The following GRID2 variants were observed in gnomAD, a reference collection of about 807,000 sequenced individuals.
The protein encoded by GRID2 is glutamate ionotropic receptor delta type subunit 2.
Under a neutral mutation model 114.8 loss-of-function variants are expected in GRID2, and 33 were observed. That is an observed-to-expected ratio of 0.29 (90% CI 0.22 to 0.38). GRID2 has a LOEUF of 0.38. Among genes scored for constraint, GRID2 ranks in the 10% least tolerant of loss-of-function variants. GRID2 has a pLI of 1.00. For synonymous variants in GRID2, 505 were observed against 449.9 expected (o/e 1.12, Z -1.55); for missense variants, 1,184 against 1,257.7 (o/e 0.94, Z 0.89).
chr4:93,678,041 C>T (rs576533896), intron 14 of GRID2, among the ~76,000 whole-genome samples: 3 of 151,958 alleles, frequency 2.0e-5, no homozygotes, highest in African/African-American at 4.8e-5. Context: ...AAAATTTAGA[C>T]GAATGGATAA....
chr4:93,396,880 A>T (rs1765382443), intron 9 of GRID2, among the ~76,000 whole-genome samples: 1 of 152,022 alleles, frequency 6.6e-6, no homozygotes. Context: ...GTGTTTAATC[A>T]TGTGCTAGTT....
chr4:92,367,729 A>T lies in GRID2; in HGVS notation c.88+62985A>T, dbSNP rs975845822. Among the ~76,000 whole-genome samples, 9 of 152,208 alleles carry T rather than the reference A, an allele frequency of 5.9e-5. No homozygotes were observed. The South Asian group carries it at 1.9e-3, about 32-fold the overall frequency. On this transcript the variant is annotated intron_variant, in intron 1 of 15. Transcript: ENST00000282020. ...TTAAGCAGAGAAATGGCATGATAAG[A>T]TTTTTAAAATGTGTCTCTTTGTAGA...
intron 8 of GRID2, among the ~76,000 whole-genome samples, chr4:93,298,749 A>G (rs915530301): frequency 6.6e-6 from 1 of 152,222 alleles, no homozygotes; most frequent in Non-Finnish European, 1.5e-5. Context: ...TTCCTGACAT[A>G]TCTTCTTAAT....
chr4:92,933,821 A>T (rs1420482222), intron 2 of GRID2, among the ~76,000 whole-genome samples: 1 of 151,614 alleles, frequency 6.6e-6, no homozygotes, highest in African/African-American at 2.4e-5. Context: ...ATCTTTGATT[A>T]TGCTTCAAAA....
intron 9 of GRID2, among the ~76,000 whole-genome samples, chr4:93,399,710 C>A (rs1029878284): frequency 2.6e-5 from 4 of 152,004 alleles, no homozygotes; most frequent in African/African-American, 9.7e-5. Context: ...CAAAATCAGG[C>A]TATGAGGAAC....
chr4:93,269,302 A>T (rs1022319203), intron 8 of GRID2, among the ~76,000 whole-genome samples: 20 of 152,306 alleles, frequency 1.3e-4, no homozygotes, highest in South Asian at 4.1e-4. Context: ...AGGCATTTTT[A>T]AAAAAAGTTT....
intron 8 of GRID2, among the ~76,000 whole-genome samples, chr4:93,309,683 T>C (rs1021069180): frequency 6.6e-6 from 1 of 152,150 alleles, no homozygotes; most frequent in Non-Finnish European, 1.5e-5. Context: ...AATAAAGCAC[T>C]AGCTTTTGAA....
At chr4:92,426,443 C>G (rs138052011) in intron 1 of GRID2, among the ~76,000 whole-genome samples, 132 of 152,206 alleles carry the variant, frequency 8.7e-4, no homozygotes, top group African/African-American at 3.1e-3. Flanking sequence ...TTGTAGATGT[C>G]TACCTGATCT....
intron 4 of GRID2, among the ~76,000 whole-genome samples, chr4:93,161,054 T>A (rs1737646671): frequency 6.6e-6 from 1 of 151,822 alleles, no homozygotes; most frequent in Non-Finnish European, 1.5e-5. Flanking sequence ...AGCTAATGGC[T>A]GTTTAGGACT....
intron 1 of GRID2, among the ~76,000 whole-genome samples, chr4:92,330,714 T>TTA (rs1399424387): frequency 1.3e-5 from 2 of 151,974 alleles, no homozygotes; most frequent in African/African-American, 2.4e-5. Flanking sequence ...AAAAACCATT[T>TTA]TATATATATA....
At chr4:93,311,466 A>T (rs1756003820) in intron 8 of GRID2, among the ~76,000 whole-genome samples, 1 of 152,148 alleles carries the variant, frequency 6.6e-6, no homozygotes, top group African/African-American at 2.4e-5. Flanking sequence ...TTTACGCCTG[A>T]GTTGCTTTAA....
rs974813148 is a variant in GRID2 at position 92,995,443 on chromosome 4, A to C, written c.245-89552A>C. On this transcript the variant is annotated intron_variant, in intron 2 of 15. Coordinates refer to ENST00000282020, the MANE Select transcript of GRID2 (RefSeq NM_001510.4). The stretch of plus-strand genomic sequence containing the variant: ...TCTTTTTAATTATTTTTACTATTTG[A>C]AACCCAAAAGGATCATACCATTGTG... Among the ~76,000 whole-genome samples the C allele has an allele frequency of 6.6e-5, 10 of 152,300 alleles. No homozygotes were observed. The East Asian group carries it at 1.5e-3, about 23-fold the overall frequency.
At chr4:93,584,789 T>C (rs1271431846) in intron 13 of GRID2, among the ~76,000 whole-genome samples, 7 of 152,124 alleles carry the variant, frequency 4.6e-5, no homozygotes, top group African/African-American at 1.7e-4. Context: ...AGAAAATGGG[T>C]ATCCTTTACA....
At chr4:93,177,237 T>C (rs2149430477) in intron 4 of GRID2, among the ~76,000 whole-genome samples, 1 of 136,092 alleles carries the variant, frequency 7.3e-6, no homozygotes, top group African/African-American at 3.5e-5. Flanking sequence ...GAAAAAACTC[T>C]TTTTTTTTGC....
chr4:92,662,683 A>C (rs1411236881), intron 2 of GRID2, among the ~76,000 whole-genome samples: 1 of 151,188 alleles, frequency 6.6e-6, no homozygotes, highest in East Asian at 1.9e-4. Context: ...GAGCATACAA[A>C]CTGGGAAAAG....
chr4:93,036,810 T>C (rs1288781057), intron 2 of GRID2, among the ~76,000 whole-genome samples: 1 of 152,202 alleles, frequency 6.6e-6, no homozygotes, highest in Non-Finnish European at 1.5e-5. Context: ...AGTATGGCCA[T>C]AAAGTTGTAC....
chr4:93,658,970 A>G (rs1723250901), intron 14 of GRID2, among the ~76,000 whole-genome samples: 1 of 151,722 alleles, frequency 6.6e-6, no homozygotes. Flanking sequence ...TTCTGGGGAG[A>G]CTCCAGGGCC....
intron 13 of GRID2, among the ~76,000 whole-genome samples, chr4:93,615,910 AT>A (rs898537783): frequency 7.9e-5 from 12 of 152,142 alleles, no homozygotes; most frequent in African/African-American, 2.4e-4. Flanking sequence ...TAGTATATAA[AT>A]TTTTATTTTA....
chr4:92,361,648 G>A (rs1482508851), intron 1 of GRID2, among the ~76,000 whole-genome samples: 1 of 151,952 alleles, frequency 6.6e-6, no homozygotes, highest in African/African-American at 2.4e-5. Flanking sequence ...ATGGGGGAAG[G>A]TTGGAAAGGT....
Sources: gnomAD v4.1 joint callset for allele counts (sites outside exome capture counted in the v4.1 genomes callset) on GRCh38, gnomAD v4.1.1 for gene constraint, MANE v1.5 for transcripts, NCBI Gene and HGNC (gene_info 2026-07-23, HGNC 2026-07-21) for gene names.